PNLIPRP3: variants seen among roughly 807,000 people sequenced by gnomAD.
The protein encoded by PNLIPRP3 is pancreatic lipase related protein 3.
In PNLIPRP3, 58 loss-of-function variants were observed where a neutral mutation model predicts 52.8. The observed-to-expected ratio is 1.10, with a 90% CI of 0.89 to 1.37. The LOEUF (loss-of-function observed/expected upper bound fraction) is 1.37. PNLIPRP3 is among the 40% of genes most tolerant of loss of function. The pLI is 0.00. For synonymous variants in PNLIPRP3, 192 were observed against 185.0 expected (o/e 1.04, Z -0.31); for missense variants, 593 against 561.6 (o/e 1.06, Z -0.57).
rs369099975 is a variant in PNLIPRP3 at position 116,461,104 on chromosome 10, A to G, written c.685+19A>G. 1.9e-6 allele frequency: 3 copies of G among 1,614,058 alleles called. No individual in the cohort carries two copies. The Admixed American group carries it at 5.0e-5, about 27-fold the overall frequency. ...GAGCTTGGTAAGTTTTAACAGAATC[A>G]GAAACTTCATTGAAGCATAGAGGAG... On this transcript the variant is annotated intron_variant, in intron 6 of 11. Coordinates refer to ENST00000369230, the MANE Select transcript of PNLIPRP3 (RefSeq NM_001011709.3).
intron 5 of PNLIPRP3, among the ~76,000 whole-genome samples, chr10:116,459,957 G>A (rs1473358868): frequency 6.6e-6 from 1 of 152,066 alleles, no homozygotes; most frequent in Non-Finnish European, 1.5e-5. Context: ...TAGTAGAGAC[G>A]GGGTTTCACC....
chr10:116,455,404 G>A (rs962179635), intron 4 of PNLIPRP3, among the ~76,000 whole-genome samples: 1 of 152,154 alleles, frequency 6.6e-6, no homozygotes, highest in East Asian at 1.9e-4. Context: ...AAAGGATTTG[G>A]GCCTCAGGAA....
intron 4 of PNLIPRP3, 75 bp from the exon 5 acceptor site, chr10:116,455,647 T>TC: frequency 9.0e-7 from 1 of 1,110,772 alleles, no homozygotes; most frequent in Non-Finnish European, 1.3e-6. Context: ...CCTTTTTTTT[T>TC]TCTATTTTTA....
At chr10:116,446,751 G>A (rs1166272457) in intron 4 of PNLIPRP3, among the ~76,000 whole-genome samples, 1 of 152,082 alleles carries the variant, frequency 6.6e-6, no homozygotes, top group African/African-American at 2.4e-5. Context: ...TTACATCCTG[G>A]GTAAATATAA....
At position 116,477,355 on chromosome 10, in the gene PNLIPRP3, G is replaced by A; in HGVS notation, c.*202G>A. On this transcript the variant is annotated 3_prime_UTR_variant, in exon 12 of 12. Coordinates refer to ENST00000369230, the MANE Select transcript of PNLIPRP3 (RefSeq NM_001011709.3). ...ACCTTAAAAACACACTGAACCCTGG[G>A]ACAAAAGATAATTACTATGATCTGT... 2 of 411,666 alleles carry A rather than the reference G, an allele frequency of 4.9e-6. No homozygotes were observed. Among genetic ancestry groups the A allele is most frequent in the Non-Finnish European group, 8.5e-6 (2 of 234,056 alleles). 25.5% of individuals were successfully genotyped at this position (411,666 alleles called of 1,614,324 possible).
chr10:116,461,177 C>G lies in PNLIPRP3; in HGVS notation c.695C>G (p.Thr232Ser). The G allele has an allele frequency of 6.2e-7, 1 of 1,614,122 alleles. No individual in the cohort carries two copies. The highest frequency in any genetic ancestry group is 1.1e-5 in the South Asian group (1 of 91,076). Residue 232 changes from threonine (T) to serine (S), a missense_variant, in exon 7 of 12, where the codon ACC (threonine) becomes AGC (serine). Thr to Ser is a moderately conservative substitution (Grantham distance 58). Transcript: ENST00000369230. Reference protein sequence around the residue: ...ARILFELGVGTIDACGHLDFY... With the variant: ...ARILFELGVGSIDACGHLDFY... ...TTTTTATTTATTTCAGGTGTTGGAA[C>G]CATTGATGCTTGTGGTCATCTTGAC...
Position 116,435,747 on chromosome 10 carries a change from G to A in PNLIPRP3, c.50-964G>A, listed in dbSNP as rs373279361. Among the ~76,000 whole-genome samples the A allele has an allele frequency of 3.2e-4, 48 of 152,270 alleles. No individual in the cohort carries two copies. The South Asian group carries it at 3.9e-3, about 12-fold the overall frequency. On this transcript the variant is annotated intron_variant, in intron 1 of 11. Transcript: ENST00000369230. ...CTTCTTAAGGAAAATGTCTGTCCAG[G>A]TCTTTGCCTATTTTAAAATTTAGTT...
chr10:116,463,234 G>A (rs937822749), intron 7 of PNLIPRP3, among the ~76,000 whole-genome samples: 1 of 152,186 alleles, frequency 6.6e-6, no homozygotes, highest in Non-Finnish European at 1.5e-5. Flanking sequence ...ATTGCCCAGC[G>A]TTCTGAGGGT....
chr10:116,431,189 C>T (rs1162286820), intron 1 of PNLIPRP3, among the ~76,000 whole-genome samples: 1 of 152,192 alleles, frequency 6.6e-6, no homozygotes, highest in Non-Finnish European at 1.5e-5. Flanking sequence ...GTCTTAGCCA[C>T]CACTGACTTT....
rs150073871 is a variant in PNLIPRP3 at position 116,459,620 on chromosome 10, C to T, written c.566-1346C>T. 9.5e-4 allele frequency among the ~76,000 whole-genome samples: 144 copies of T among 152,276 alleles called. 2 individuals are homozygous for T. Among genetic ancestry groups the T allele is most frequent in the Admixed American group, 7.8e-3 (120 of 15,304 alleles). On this transcript the variant is annotated intron_variant, in intron 5 of 11. Transcript: ENST00000369230. ...TTCCACCGAATCCTAGAACTCTACA[C>T]ACCAGCCTTAGCAAACTAGTTACAG...
chr10:116,455,693 A>T, intron 4 of PNLIPRP3, 29 bp from the exon 5 acceptor site: 1 of 1,530,880 alleles, frequency 6.5e-7, no homozygotes, highest in Non-Finnish European at 9.0e-7. Flanking sequence ...TGTTTTTAAA[A>T]TACTTATTCT....
At chr10:116,475,532 G>C (rs77214259) in intron 10 of PNLIPRP3, among the ~76,000 whole-genome samples, 15,234 of 152,252 alleles carry the variant, frequency 0.1, 1,002 homozygotes, top group Non-Finnish European at 0.15. Flanking sequence ...TGGAATAACA[G>C]AAAGATTACC....
intron 7 of PNLIPRP3, among the ~76,000 whole-genome samples, chr10:116,463,731 C>T (rs1846234057): frequency 1.3e-5 from 2 of 152,178 alleles, no homozygotes; most frequent in Non-Finnish European, 1.5e-5. Flanking sequence ...AATAATTATA[C>T]TGCATATGCT....
At chr10:116,448,264 T>A (rs969600851) in intron 4 of PNLIPRP3, among the ~76,000 whole-genome samples, 9 of 152,150 alleles carry the variant, frequency 5.9e-5, no homozygotes, top group Admixed American at 1.3e-4. Context: ...AATTATGACA[T>A]CAATAACATG....
intron 10 of PNLIPRP3, among the ~76,000 whole-genome samples, chr10:116,473,304 G>A (rs1846403853): frequency 6.6e-6 from 1 of 152,160 alleles, no homozygotes; most frequent in Non-Finnish European, 1.5e-5. Flanking sequence ...GCTTCTCCAT[G>A]CTCATGGATA....
At position 116,469,269 on chromosome 10, in the gene PNLIPRP3, A is replaced by G. The variant is rs1846329336; in HGVS notation, c.1012A>G (p.Asn338Asp). ...DRFHFKNMKTNGSHYFLNTGS... is the reference protein window; with the variant it reads ...DRFHFKNMKTDGSHYFLNTGS... ...ATTTCACTTCAAAAATATGAAGACTAATGGATCACATTATTTTTTAAACAC... is the reference window on the plus strand; with the variant it reads ...ATTTCACTTCAAAAATATGAAGACTGATGGATCACATTATTTTTTAAACAC... The change falls in exon 9 of 12, where the codon AAT becomes GAT. Residue 338 changes from asparagine to aspartate, a missense_variant. By Grantham distance (23) the Asn-to-Asp change is conservative. Coordinates refer to ENST00000369230, the MANE Select transcript of PNLIPRP3 (RefSeq NM_001011709.3). The G allele has an allele frequency of 6.2e-7, 1 of 1,611,026 alleles. No individual in the cohort carries two copies. Among genetic ancestry groups the G allele is most frequent in the Non-Finnish European group, 8.5e-7 (1 of 1,178,778 alleles).
In PNLIPRP3 at chr10:116,477,735, G is replaced by T. The variant is rs961993246; in HGVS notation, c.*582G>T. The stretch of plus-strand genomic sequence containing the variant: ...CAGGGTGTGCACAAGAGAGATTTTG[G>T]AGCTTATCTGTTATGTGTTCATCAG... On this transcript the variant is annotated 3_prime_UTR_variant, in exon 12 of 12. Coordinates refer to ENST00000369230, the MANE Select transcript of PNLIPRP3 (RefSeq NM_001011709.3). 3.3e-5 allele frequency: 5 copies of T among 152,060 alleles called. No homozygotes were observed. Among genetic ancestry groups the T allele is most frequent in the Admixed American group, 2.0e-4 (3 of 15,250 alleles). The allele number at this position is 152,060 out of a possible 1,614,324, so 9.4% of individuals were successfully genotyped here. A position where few individuals can be genotyped will look rare whatever the true frequency, so the allele number is the denominator to read the frequency against.
At chr10:116,470,995 T>G (rs1453664009) in intron 9 of PNLIPRP3, among the ~76,000 whole-genome samples, 1 of 152,162 alleles carries the variant, frequency 6.6e-6, no homozygotes, top group Non-Finnish European at 1.5e-5. Context: ...CAGGTTCCAG[T>G]AGAATGGGCG....
chr10:116,468,148 A>G (rs1353777648), intron 8 of PNLIPRP3, among the ~76,000 whole-genome samples: 2 of 150,458 alleles, frequency 1.3e-5, no homozygotes, highest in African/African-American at 2.4e-5. Context: ...AAAAAAAAAA[A>G]AAAAGCAACG....
Sources: allele counts gnomAD v4.1 joint callset (sites outside exome capture counted in the v4.1 genomes callset), GRCh38; gene constraint gnomAD v4.1.1; transcripts MANE v1.5; gene names NCBI Gene and HGNC (gene_info 2026-07-23, HGNC 2026-07-21).